OR14J1: variants seen among roughly 807,000 people sequenced by gnomAD.
OR14J1 encodes olfactory receptor family 14 subfamily J member 1.
For synonymous variants in OR14J1, 140 were observed against 146.7 expected (o/e 0.95, Z 0.33); for missense variants, 378 against 393.4 (o/e 0.96, Z 0.33).
intron 1 of OR14J1, among the ~76,000 whole-genome samples, chr6:29,305,180 TG>T (rs982150741): frequency 6.6e-6 from 1 of 152,184 alleles, no homozygotes; most frequent in African/African-American, 2.4e-5. Flanking sequence ...GCCCTGAGAC[TG>T]TTCCTTGTGG....
rs998910366 is a variant in OR14J1 at position 29,312,776 on chromosome 6, G to C, written c.*5121G>C. 2 of 152,262 alleles carry C rather than the reference G, an allele frequency of 1.3e-5. No individual in the cohort carries two copies. The highest frequency in any genetic ancestry group is 2.9e-5 in the Non-Finnish European group (2 of 68,098). The allele number at this position is 152,262 out of a possible 1,614,324, so 9.4% of individuals were successfully genotyped here. A position where few individuals can be genotyped will look rare whatever the true frequency, so the allele number is the denominator to read the frequency against. ...TAAAGGGCTGGGCGTGGTAGCTCACGCCTGTAATCCCAGCACTTTGGGAGG... is the reference window on the plus strand; with the variant it reads ...TAAAGGGCTGGGCGTGGTAGCTCACCCCTGTAATCCCAGCACTTTGGGAGG... On this transcript the variant is annotated 3_prime_UTR_variant, in exon 2 of 2. Transcript: ENST00000641895.
chr6:29,301,971 TA>T (rs1442709782), intron 1 of OR14J1, among the ~76,000 whole-genome samples, 184 bp downstream of exon 1: 1 of 151,998 alleles, frequency 6.6e-6, no homozygotes, highest in African/African-American at 2.4e-5. Flanking sequence ...GTATAAATTA[TA>T]AAAAAGTATA....
At position 29,306,673 on chromosome 6, in the gene OR14J1, G is replaced by T. The variant is rs1164388179; in HGVS notation, c.-17G>T. 6 of 1,527,804 alleles carry T rather than the reference G, an allele frequency of 3.9e-6. No individual in the cohort carries two copies. The highest frequency in any genetic ancestry group is 2.7e-5 in the African/African-American group (2 of 73,260). 94.6% of individuals were successfully genotyped at this position (1,527,804 alleles called of 1,614,324 possible). On this transcript the variant is annotated 5_prime_UTR_variant, in exon 2 of 2. Coordinates refer to ENST00000641895, the MANE Select transcript of OR14J1 (RefSeq NM_030946.2). ...GGCTTCCTAAACAGAGTCACACTTGGTATCTTCAGAGAGACTATGGTCAAT... is the reference window on the plus strand; with the variant it reads ...GGCTTCCTAAACAGAGTCACACTTGTTATCTTCAGAGAGACTATGGTCAAT...
intron 1 of OR14J1, among the ~76,000 whole-genome samples, chr6:29,304,707 A>G (rs1774960916): frequency 6.6e-6 from 1 of 152,232 alleles, no homozygotes; most frequent in Non-Finnish European, 1.5e-5. Context: ...AAAAATGAAA[A>G]TAGGTTGGTG....
chr6:29,311,186 GAC>G lies in OR14J1; in HGVS notation c.*3533_*3534del, dbSNP rs1461390389. 1.9e-4 allele frequency: 29 copies of G among 152,164 alleles called. No individual in the cohort carries two copies. Among genetic ancestry groups the G allele is most frequent in the African/African-American group, 6.3e-4 (26 of 41,440 alleles). The allele number at this position is 152,164 out of a possible 1,614,324, so 9.4% of individuals were successfully genotyped here. A position where few individuals can be genotyped will look rare whatever the true frequency, so the allele number is the denominator to read the frequency against. ...GTGAGAGAGGGCATCCTTGTCTTGT[GAC>G]AGTTTTCTCAGGGAATGCTTCCAGG... On this transcript the variant is annotated 3_prime_UTR_variant, in exon 2 of 2. Transcript: ENST00000641895.
At position 29,307,833 on chromosome 6, in the gene OR14J1, T is replaced by C; in HGVS notation, c.*178T>C. On this transcript the variant is annotated 3_prime_UTR_variant, in exon 2 of 2. Transcript: ENST00000641895. Reference sequence around the variant, plus strand: ...ATTAGCTTTCCTTCCTCCCTCCAATTCAAGTGTTATTTTAAGTCATCTTTG... The same window carrying C: ...ATTAGCTTTCCTTCCTCCCTCCAATCCAAGTGTTATTTTAAGTCATCTTTG... 1 of 490,356 alleles carries C rather than the reference T, an allele frequency of 2.0e-6. No homozygotes were observed. The highest frequency in any genetic ancestry group is 3.5e-6 in the Non-Finnish European group (1 of 284,016). 30.4% of individuals were successfully genotyped at this position (490,356 alleles called of 1,614,324 possible).
In OR14J1 at chr6:29,306,937, C is replaced by G. The variant is rs749914573; in HGVS notation, c.248C>G (p.Ser83Ter). ...ACAGTCCCCCAGTCCATTGCAAATT[C>G]ACTTATGGGCAACGGTTACATTTCT... Reference protein sequence around the residue: ...SVTVPQSIANSLMGNGYISLV... With the variant: ...SVTVPQSIAN Residue 83 changes from serine (S) to a stop codon, truncating the protein, a stop_gained, in exon 2 of 2, where the codon TCA becomes TGA. Coordinates refer to ENST00000641895, the MANE Select transcript of OR14J1 (RefSeq NM_030946.2). LOFTEE classifies it low-confidence loss of function (END_TRUNC). 6.2e-7 allele frequency: 1 copy of G among 1,613,104 alleles called. No individual in the cohort carries two copies. Among genetic ancestry groups the G allele is most frequent in the Non-Finnish European group, 8.5e-7 (1 of 1,180,024 alleles).
At position 29,307,539 on chromosome 6, in the gene OR14J1, A is replaced by G. The variant is rs1370476976; in HGVS notation, c.850A>G (p.Asn284Asp). 2 of 1,612,912 alleles carry G rather than the reference A, an allele frequency of 1.2e-6. No homozygotes were observed. Among genetic ancestry groups the G allele is most frequent in the South Asian group, 2.2e-5 (2 of 91,074 alleles). ...CTATACTGTGATACCTCCAACACTC[A>G]ATCCAGTCATTTATAGCTTACGGAA... is the stretch of plus-strand genomic sequence containing the variant. ...VFYTVIPPTL[N>D]PVIYSLRNDS... The change falls in exon 2 of 2, where the codon AAT becomes GAT. Residue 284 changes from asparagine (N) to aspartate (D), a missense_variant. Asn to Asp is a conservative substitution (Grantham distance 23). Coordinates refer to ENST00000641895, the MANE Select transcript of OR14J1 (RefSeq NM_030946.2).
chr6:29,305,876 A>G (rs1775045980), intron 1 of OR14J1, among the ~76,000 whole-genome samples: 1 of 152,100 alleles, frequency 6.6e-6, no homozygotes, highest in South Asian at 2.1e-4. Flanking sequence ...ATACTCTACT[A>G]CCTAGCATTC....
chr6:29,306,640 C>A, intron 1 of OR14J1, 22 bp from the exon 2 acceptor site: 1 of 1,160,490 alleles, frequency 8.6e-7, no homozygotes, highest in Non-Finnish European at 1.3e-6. Context: ...TTTCTTCCTA[C>A]TGTCTTTGGC....
Position 29,307,413 on chromosome 6 carries a change from C to T in OR14J1, c.724C>T (p.His242Tyr). The T allele has an allele frequency of 6.2e-7, 1 of 1,613,102 alleles. No individual in the cohort carries two copies. Among genetic ancestry groups the T allele is most frequent in the East Asian group, 2.2e-5 (1 of 44,880 alleles). ...CAAGGTCTTCTCCACCTGCCTACCA[C>T]ACCTATTTGTAGCCACCTTCTTTCT... Reference protein sequence around the residue: ...RTKVFSTCLPHLFVATFFLSA... With the variant: ...RTKVFSTCLPYLFVATFFLSA... Residue 242 changes from histidine to tyrosine, a missense_variant, in exon 2 of 2, where the codon CAC becomes TAC. By Grantham distance (83) the His-to-Tyr change is moderately conservative. Transcript: ENST00000641895.
At position 29,311,126 on chromosome 6, in the gene OR14J1, G is replaced by A. The variant is rs1775478662; in HGVS notation, c.*3471G>A. ...TTTTTTTCTCTTGCCTGATTGCCCT[G>A]GCCAGAACTTCCAACATTATGTTGA... On this transcript the variant is annotated 3_prime_UTR_variant, in exon 2 of 2. Coordinates refer to ENST00000641895, the MANE Select transcript of OR14J1 (RefSeq NM_030946.2). The A allele has an allele frequency of 6.6e-6, 1 of 152,024 alleles. No homozygotes were observed. The highest frequency in any genetic ancestry group is 2.1e-4 in the South Asian group (1 of 4,816). 9.4% of individuals were successfully genotyped at this position (152,024 alleles called of 1,614,324 possible). A position where few individuals can be genotyped will look rare whatever the true frequency, so the allele number is the denominator to read the frequency against.
At chr6:29,302,339 C>T (rs945239037) in intron 1 of OR14J1, among the ~76,000 whole-genome samples, 2 of 151,756 alleles carry the variant, frequency 1.3e-5, no homozygotes, top group East Asian at 1.9e-4. Context: ...CCACCGTGCC[C>T]GGCTAATTTT....
rs1001822421 is a variant in OR14J1, at chr6:29,311,037, A to G, written c.*3382A>G. On this transcript the variant is annotated 3_prime_UTR_variant, in exon 2 of 2. Coordinates refer to ENST00000641895, the MANE Select transcript of OR14J1 (RefSeq NM_030946.2). The stretch of plus-strand genomic sequence containing the variant: ...TGAGACGATGGGGTTTTCTAAGTAT[A>G]GAATCATGTCATCTGCAAACAGAGA... 7 of 152,218 alleles carry G rather than the reference A, an allele frequency of 4.6e-5. No homozygotes were observed. Among genetic ancestry groups the G allele is most frequent in the Admixed American group, 2.0e-4 (3 of 15,282 alleles). 9.4% of individuals were successfully genotyped at this position (152,218 alleles called of 1,614,324 possible).
rs1418001264 is a variant in OR14J1 at position 29,312,492 on chromosome 6, C to T, written c.*4837C>T. The T allele has an allele frequency of 6.4e-6, 1 of 157,054 alleles. No individual in the cohort carries two copies. The highest frequency in any genetic ancestry group is 6.5e-5 in the Admixed American group (1 of 15,386). The allele number at this position is 157,054 out of a possible 1,614,324, so 9.7% of individuals were successfully genotyped here. A position where few individuals can be genotyped will look rare whatever the true frequency, so the allele number is the denominator to read the frequency against. ...TTGGCTAGGGGAGGGAGTTGTCTGACCCCTTGCGCTTCCCGGGTGAGGCGA... is the reference window on the plus strand; with the variant it reads ...TTGGCTAGGGGAGGGAGTTGTCTGATCCCTTGCGCTTCCCGGGTGAGGCGA... On this transcript the variant is annotated 3_prime_UTR_variant, in exon 2 of 2. Coordinates refer to ENST00000641895, the MANE Select transcript of OR14J1 (RefSeq NM_030946.2).
In OR14J1 at chr6:29,307,621, G is replaced by A. The variant is rs538397769; in HGVS notation, c.932G>A (p.Arg311Lys). 2.5e-6 allele frequency: 4 copies of A among 1,602,406 alleles called. No homozygotes were observed. The highest frequency in any genetic ancestry group is 3.4e-6 in the Non-Finnish European group (4 of 1,178,496). Residue 311 changes from arginine to lysine, a missense_variant, in exon 2 of 2, where the codon AGA becomes AAA. Physicochemically the swap from Arg to Lys is conservative, Grantham distance 26. Coordinates refer to ENST00000641895, the MANE Select transcript of OR14J1 (RefSeq NM_030946.2). Reference protein sequence around the residue: ...KMLSKEELPQRKMCLKAMFKL With the variant: ...KMLSKEELPQKKMCLKAMFKL ...CTGTCAAAGGAAGAGCTTCCTCAGA[G>A]AAAAATGTGCTTAAAAGCCATGTTT... is the stretch of plus-strand genomic sequence containing the variant.
In OR14J1 at chr6:29,302,375, C is replaced by T. The variant is rs185054561; in HGVS notation, c.-29+588C>T. Among the ~76,000 whole-genome samples the T allele has an allele frequency of 3.4e-3, 512 of 151,780 alleles. 5 individuals carry two copies. Among genetic ancestry groups the T allele is most frequent in the Middle Eastern group, 0.01 (3 of 292 alleles). ...TGTATTTTTAGTAGAGATGGGGTTT[C>T]GCCATTTTGGCCAGGCTGGTTTTGA... is the stretch of plus-strand genomic sequence containing the variant. On this transcript the variant is annotated intron_variant, in intron 1 of 1. Coordinates refer to ENST00000641895, the MANE Select transcript of OR14J1 (RefSeq NM_030946.2).
In OR14J1 at chr6:29,307,198, G is replaced by C; in HGVS notation, c.509G>C (p.Arg170Thr). 1.9e-6 allele frequency: 3 copies of C among 1,613,078 alleles called. No homozygotes were observed. Among genetic ancestry groups the C allele is most frequent in the Non-Finnish European group, 2.5e-6 (3 of 1,180,036 alleles). ...INFSIPLCGK[R>T]VIHQFFCDVP... is the part of the protein sequence containing the mutation. ...TTCTCCATACCTCTCTGTGGGAAGA[G>C]AGTCATTCACCAATTCTTCTGTGAT... Residue 170 changes from arginine to threonine, a missense_variant, in exon 2 of 2, where the codon AGA (arginine) becomes ACA (threonine). Physicochemically the swap from Arg to Thr is moderately conservative, Grantham distance 71. Transcript: ENST00000641895.
At chr6:29,301,999 T>C (rs1188188987) in intron 1 of OR14J1, among the ~76,000 whole-genome samples, 1 of 152,024 alleles carries the variant, frequency 6.6e-6, no homozygotes, top group Non-Finnish European at 1.5e-5. Context: ...ATAAAAAAGT[T>C]AGTATAAATT....
Sources: allele counts gnomAD v4.1 joint callset (sites outside exome capture counted in the v4.1 genomes callset), GRCh38; gene constraint gnomAD v4.1.1; transcripts MANE v1.5; gene names NCBI Gene and HGNC (gene_info 2026-07-23, HGNC 2026-07-21).